The following RP1 variants were observed in gnomAD, a reference collection of about 807,000 sequenced individuals.
The protein encoded by RP1 is RP1 axonemal microtubule associated, also known as oxygen-regulated protein 1.
RP1 carries 16 observed loss-of-function variants against 14.8 expected under a neutral mutation model. The observed-to-expected ratio is 1.08, with a 90% confidence interval of 0.73 to 1.65. The LOEUF is 1.65. Among genes scored for constraint, RP1 ranks in the 40% most tolerant of loss-of-function variants. The pLI, the probability that RP1 is intolerant of heterozygous loss-of-function variation, is 0.00. For missense variants in RP1, 2,631 were observed against 2,535.0 expected (o/e 1.04, Z -0.81); for synonymous variants, 876 against 883.6 (o/e 0.99, Z 0.15).
chr8:54,712,399 A>G (rs931024118), intron 15 of RP1, among the ~76,000 whole-genome samples: 1 of 152,170 alleles, frequency 6.6e-6, no homozygotes, highest in African/African-American at 2.4e-5. Flanking sequence ...GGCCTGGTCC[A>G]GAGCTGTGGT....
At chr8:54,563,924 T>C (rs1297368403) in intron 1 of RP1, among the ~76,000 whole-genome samples, 1 of 152,170 alleles carries the variant, frequency 6.6e-6, no homozygotes, top group East Asian at 1.9e-4. Flanking sequence ...CAAATGGAAA[T>C]AGCAACAAAG....
chr8:54,587,139 C>T (rs1436286670), intron 1 of RP1, among the ~76,000 whole-genome samples: 2 of 152,208 alleles, frequency 1.3e-5, no homozygotes, highest in African/African-American at 2.4e-5. Flanking sequence ...CTTGTCTCCA[C>T]CCCTCAGGAC....
intron 18 of RP1, among the ~76,000 whole-genome samples, chr8:54,736,767 T>A (rs1417546026): frequency 6.6e-6 from 1 of 152,142 alleles, no homozygotes; most frequent in Non-Finnish European, 1.5e-5. Context: ...TGGGATCTTG[T>A]TAAACACACA....
chr8:54,617,473 G>T (rs1015324720), intron 1 of RP1, among the ~76,000 whole-genome samples: 3 of 152,226 alleles, frequency 2.0e-5, no homozygotes, highest in Non-Finnish European at 4.4e-5. Context: ...GTTATGGAGG[G>T]CTGGTAGCTC....
At chr8:54,620,426 G>A (rs987900158) in intron 1 of RP1, among the ~76,000 whole-genome samples, 1 of 152,200 alleles carries the variant, frequency 6.6e-6, no homozygotes, top group African/African-American at 2.4e-5. Flanking sequence ...GCCTGGGTGT[G>A]TAGTAGGCTA....
chr8:54,803,791 C>T (rs747771877), intron 24 of RP1, among the ~76,000 whole-genome samples: 4 of 151,994 alleles, frequency 2.6e-5, no homozygotes, highest in South Asian at 2.1e-4. Context: ...AACAATGGGC[C>T]GGGCACAATG....
intron 22 of RP1, among the ~76,000 whole-genome samples, chr8:54,768,379 A>G (rs1343963150): frequency 6.6e-6 from 1 of 152,066 alleles, no homozygotes; most frequent in Non-Finnish European, 1.5e-5. Context: ...ATATCTTTAC[A>G]TATCTGTTTC....
intron 12 of RP1, among the ~76,000 whole-genome samples, chr8:54,681,373 A>C (rs572485087): frequency 2.0e-5 from 3 of 152,076 alleles, no homozygotes; most frequent in Non-Finnish European, 4.4e-5. Flanking sequence ...CTGCAGTATC[A>C]TGATGTGAGG....
At chr8:54,597,316 A>G (rs1273295898) in intron 1 of RP1, among the ~76,000 whole-genome samples, 2 of 152,214 alleles carry the variant, frequency 1.3e-5, no homozygotes, top group Non-Finnish European at 2.9e-5. Flanking sequence ...TATGAGGATT[A>G]AATAATTCAT....
chr8:54,599,523 G>T (rs144870453), intron 1 of RP1, among the ~76,000 whole-genome samples: 1 of 150,968 alleles, frequency 6.6e-6, no homozygotes, highest in Admixed American at 6.6e-5. Flanking sequence ...CGGTGGCACC[G>T]TCTCGGCTCA....
chr8:54,706,374 A>T (rs1268121974), intron 14 of RP1: 1 of 1,451,300 alleles, frequency 6.9e-7, no homozygotes, highest in Non-Finnish European at 9.3e-7. Flanking sequence ...TTGCCTCTAT[A>T]GTTGTCTCCC....
At chr8:54,602,785 C>CA (rs1805322789) in intron 1 of RP1, among the ~76,000 whole-genome samples, 1 of 152,132 alleles carries the variant, frequency 6.6e-6, no homozygotes, top group Non-Finnish European at 1.5e-5. Flanking sequence ...CTCTGATGGC[C>CA]AGTGATGATG....
At chr8:54,678,371 T>C (rs1472536219) in intron 8 of RP1, 3 of 1,075,500 alleles carry the variant, frequency 2.8e-6, no homozygotes, top group Non-Finnish European at 2.7e-6. Context: ...TTTACATATA[T>C]TTGGAAGTTA....
At chr8:54,644,740 C>G (rs143826911) in intron 3 of RP1, among the ~76,000 whole-genome samples, 1 of 152,146 alleles carries the variant, frequency 6.6e-6, no homozygotes. Flanking sequence ...TAAATTGGTG[C>G]CTTCAAACAA....
In RP1 at chr8:54,644,081, C is replaced by T. The variant is rs369727466; in HGVS notation, c.788-4904C>T. The stretch of plus-strand genomic sequence containing the variant: ...GTGAGACTCTGGGTATAATGCATCT[C>T]GGACCAAAATTCCTCTCCATTCACA... On this transcript the variant is annotated intron_variant, in intron 3 of 22. Coordinates refer to the RP1 transcript ENST00000636932. 1.4e-4 allele frequency among the ~76,000 whole-genome samples: 21 copies of T among 152,180 alleles called. No individual in the cohort carries two copies. The East Asian group carries it at 1.9e-3, about 14-fold the overall frequency.
chr8:54,748,118 T>C (rs1187442452), intron 19 of RP1, among the ~76,000 whole-genome samples: 1 of 152,236 alleles, frequency 6.6e-6, no homozygotes, highest in Non-Finnish European at 1.5e-5. Flanking sequence ...GGTAACCTAC[T>C]TGATATGAGC....
At chr8:54,860,736 T>C (rs908301679) in intron 27 of RP1, among the ~76,000 whole-genome samples, 2 of 152,240 alleles carry the variant, frequency 1.3e-5, no homozygotes, top group Non-Finnish European at 2.9e-5. Flanking sequence ...ATGGGGTGTC[T>C]GTGCTCACAG....
exon 15 of RP1, chr8:54,706,564 T>G (rs1808154109): frequency 6.5e-7 from 1 of 1,536,026 alleles, no homozygotes; most frequent in African/African-American, 1.4e-5. Flanking sequence ...TACTGGAAAG[T>G]GCATAAAATC....
chr8:54,675,089 A>G (rs1193238910), intron 8 of RP1, among the ~76,000 whole-genome samples: 1 of 152,178 alleles, frequency 6.6e-6, no homozygotes, highest in Non-Finnish European at 1.5e-5. Context: ...TTTTCAACCT[A>G]AAAAATCCCT....
Sources: allele counts gnomAD v4.1 joint callset (sites outside exome capture counted in the v4.1 genomes callset), GRCh38; gene constraint gnomAD v4.1.1; transcripts MANE v1.5; gene names NCBI Gene and HGNC (gene_info 2026-07-23, HGNC 2026-07-21).